The following LRRC4C variants were observed in gnomAD, a reference collection of about 807,000 sequenced individuals.
LRRC4C encodes leucine rich repeat containing 4C, also known as leucine-rich repeat-containing protein 4C.
A neutral mutation model predicts 33.6 loss-of-function variants in LRRC4C; 5 were observed. The ratio of observed to expected loss-of-function variants is 0.15; its 90% CI spans 0.08 to 0.31. The LOEUF (loss-of-function observed/expected upper bound fraction) is 0.31, where lower values mean the gene tolerates loss of function less well. Among genes scored for constraint, LRRC4C ranks in the 10% least tolerant of loss-of-function variants. The probability of loss-of-function intolerance (pLI) is 1.00; values close to 1 mark genes in which losing one functional copy is unlikely to be tolerated. For missense variants in LRRC4C, 560 were observed against 796.7 expected (o/e 0.70, Z 3.58); for synonymous variants, 329 against 302.0 (o/e 1.09, Z -0.93).
chr11:40,946,423 C>A (rs1487104628), intron 1 of LRRC4C, among the ~76,000 whole-genome samples: 2 of 152,112 alleles, frequency 1.3e-5, no homozygotes, highest in Non-Finnish European at 2.9e-5. Context: ...TTTAGTAGAA[C>A]AACTCATTTT....
chr11:40,947,128 T>C (rs928038197), intron 1 of LRRC4C, among the ~76,000 whole-genome samples: 2 of 152,170 alleles, frequency 1.3e-5, no homozygotes, highest in African/African-American at 4.8e-5. Flanking sequence ...AGGCTAATAG[T>C]GTAATATTTA....
At chr11:40,820,779 C>A (rs540074522) in intron 2 of LRRC4C, among the ~76,000 whole-genome samples, 1 of 151,806 alleles carries the variant, frequency 6.6e-6, no homozygotes, top group African/African-American at 2.4e-5. Flanking sequence ...TGCTCTTGTC[C>A]TTTCTAGTCA....
intron 5 of LRRC4C, among the ~76,000 whole-genome samples, chr11:40,174,074 T>G: frequency 6.6e-6 from 1 of 152,140 alleles, no homozygotes. Context: ...AACAACGGTA[T>G]ACACACTAAA....
chr11:40,643,531 A>G (rs191323653), intron 3 of LRRC4C, among the ~76,000 whole-genome samples: 2 of 152,184 alleles, frequency 1.3e-5, no homozygotes, highest in East Asian at 1.9e-4. Context: ...TACCCCTACC[A>G]TCCCTATATG....
chr11:40,348,065 A>T (rs967647633), intron 3 of LRRC4C, among the ~76,000 whole-genome samples: 2 of 152,218 alleles, frequency 1.3e-5, no homozygotes, highest in African/African-American at 4.8e-5. Flanking sequence ...TAAATGTGTT[A>T]TATGGGCATG....
At chr11:40,358,001 G>A (rs1272987464) in intron 3 of LRRC4C, among the ~76,000 whole-genome samples, 1 of 151,948 alleles carries the variant, frequency 6.6e-6, no homozygotes, top group Non-Finnish European at 1.5e-5. Context: ...TGGCCAACAT[G>A]GTGAAACCAG....
chr11:41,401,250 A>G (rs1457034507), intron 1 of LRRC4C, among the ~76,000 whole-genome samples: 2 of 151,936 alleles, frequency 1.3e-5, no homozygotes, highest in Non-Finnish European at 2.9e-5. Context: ...AACAACAATT[A>G]AAATTCAGTT....
chr11:40,326,246 C>T (rs925548018), intron 3 of LRRC4C, among the ~76,000 whole-genome samples: 1 of 152,052 alleles, frequency 6.6e-6, no homozygotes, highest in South Asian at 2.1e-4. Flanking sequence ...AGGGCTCAGG[C>T]TTCTTTGGCA....
In LRRC4C at chr11:40,319,735, A is replaced by G. The variant is rs1160833090; in HGVS notation, c.-269-14T>C. Reference sequence around the variant, plus strand: ...ACTTCTTTATACCTGCAGGAAGATAACATAAATATCATATTTTAAAATCAT... The same window carrying G: ...ACTTCTTTATACCTGCAGGAAGATAGCATAAATATCATATTTTAAAATCAT... On this transcript the variant is annotated splice_polypyrimidine_tract_variant and intron_variant, in intron 3 of 6. Transcript: ENST00000528697. 1.3e-5 allele frequency: 2 copies of G among 152,206 alleles called. No homozygotes were observed. Among genetic ancestry groups the G allele is most frequent in the Non-Finnish European group, 2.9e-5 (2 of 68,042 alleles). The allele number at this position is 152,206 out of a possible 1,614,324, so 9.4% of individuals were successfully genotyped here.
chr11:41,187,116 G>A (rs565485206), intron 1 of LRRC4C, among the ~76,000 whole-genome samples: 3 of 152,114 alleles, frequency 2.0e-5, no homozygotes, highest in Non-Finnish European at 2.9e-5. Flanking sequence ...AGGGGAGCAG[G>A]GGAAGTGTTG....
chr11:40,802,681 G>T (rs1951087895), intron 2 of LRRC4C, among the ~76,000 whole-genome samples: 1 of 152,096 alleles, frequency 6.6e-6, no homozygotes, highest in Admixed American at 6.6e-5. Context: ...TAAATGAAAA[G>T]ACATAGAAAA....
chr11:40,473,980 A>G (rs1027295341), intron 3 of LRRC4C, among the ~76,000 whole-genome samples: 6 of 152,252 alleles, frequency 3.9e-5, no homozygotes, highest in African/African-American at 1.2e-4. Flanking sequence ...AAAACGTTCC[A>G]TGGTCATGGA....
chr11:40,392,009 T>A (rs1017302309), intron 3 of LRRC4C, among the ~76,000 whole-genome samples: 1 of 152,144 alleles, frequency 6.6e-6, no homozygotes, highest in Non-Finnish European at 1.5e-5. Flanking sequence ...TGGATAAATC[T>A]TAAATGCATA....
chr11:41,342,940 C>T (rs1202567653), intron 1 of LRRC4C, among the ~76,000 whole-genome samples: 2 of 152,184 alleles, frequency 1.3e-5, no homozygotes, highest in African/African-American at 4.8e-5. Flanking sequence ...TATATGAGGA[C>T]TTTTCCTTGC....
At chr11:40,634,599 G>A (rs781688842) in intron 3 of LRRC4C, among the ~76,000 whole-genome samples, 10 of 152,058 alleles carry the variant, frequency 6.6e-5, no homozygotes, top group African/African-American at 2.2e-4. Flanking sequence ...GCTGGGGACC[G>A]TGTCTCACAC....
chr11:40,452,622 T>G (rs1040308029), intron 3 of LRRC4C, among the ~76,000 whole-genome samples: 70 of 152,248 alleles, frequency 4.6e-4, no homozygotes, highest in East Asian at 7.7e-4. Flanking sequence ...AGTCAGTGTG[T>G]CGATTCCTCA....
chr11:40,966,307 G>A (rs1005327697), intron 1 of LRRC4C, among the ~76,000 whole-genome samples: 5 of 151,864 alleles, frequency 3.3e-5, no homozygotes, highest in African/African-American at 1.2e-4. Flanking sequence ...ATGCAGACTG[G>A]CATTGAAGAA....
intron 2 of LRRC4C, among the ~76,000 whole-genome samples, chr11:40,659,396 C>T (rs1943305785): frequency 6.6e-6 from 1 of 152,116 alleles, no homozygotes; most frequent in Non-Finnish European, 1.5e-5. Flanking sequence ...TGGTGAAACC[C>T]TACCTTCAAG....
intron 3 of LRRC4C, among the ~76,000 whole-genome samples, chr11:40,366,220 T>C (rs938127750): frequency 6.6e-6 from 1 of 152,112 alleles, no homozygotes; most frequent in Non-Finnish European, 1.5e-5. Context: ...GTATAACATA[T>C]GCTTTCTACC....
Sources: gnomAD v4.1 joint callset for allele counts (sites outside exome capture counted in the v4.1 genomes callset) on GRCh38, gnomAD v4.1.1 for gene constraint, MANE v1.5 for transcripts, NCBI Gene and HGNC (gene_info 2026-07-23, HGNC 2026-07-21) for gene names.